FRMD5: variants seen among roughly 807,000 people sequenced by gnomAD.
FRMD5 encodes FERM domain-containing protein 5.
Under a neutral mutation model 69.0 loss-of-function variants are expected in FRMD5, and 20 were observed. The ratio of observed to expected loss-of-function variants is 0.29; its 90% CI spans 0.20 to 0.42. FRMD5 has a LOEUF of 0.42. Ranked by LOEUF, FRMD5 falls within the 10% of genes least tolerant of loss-of-function variation. The pLI is 1.00. For missense variants in FRMD5, 595 were observed against 708.6 expected, an observed-to-expected ratio of 0.84 and a Z score of 1.82; for synonymous variants, 271 against 260.1, an observed-to-expected ratio of 1.04 and a Z score of -0.40.
At chr15:44,136,562 A>G (rs1200162246) in intron 1 of FRMD5, among the ~76,000 whole-genome samples, 1 of 152,202 alleles carries the variant, frequency 6.6e-6, no homozygotes, top group African/African-American at 2.4e-5. Context: ...TCTACTTTTG[A>G]TCATATTAAT....
intron 1 of FRMD5, among the ~76,000 whole-genome samples, chr15:44,097,198 G>T (rs1226083711): frequency 1.3e-5 from 2 of 152,202 alleles, no homozygotes; most frequent in African/African-American, 4.8e-5. Flanking sequence ...CTGAAATAAA[G>T]AATACATCTG....
At chr15:43,961,839 T>C (rs557143031) in intron 1 of FRMD5, among the ~76,000 whole-genome samples, 6 of 152,262 alleles carry the variant, frequency 3.9e-5, no homozygotes, top group Admixed American at 3.9e-4. Flanking sequence ...AAAAGGCCTT[T>C]GACAAAATTC....
At chr15:44,078,460 C>G (rs2140437937) in intron 1 of FRMD5, among the ~76,000 whole-genome samples, 1 of 152,034 alleles carries the variant, frequency 6.6e-6, no homozygotes, top group East Asian at 1.9e-4. Flanking sequence ...CTCAAGAATC[C>G]CAGAGTCAAA....
intron 1 of FRMD5, among the ~76,000 whole-genome samples, chr15:44,049,481 G>C (rs1429972817): frequency 6.6e-6 from 1 of 152,028 alleles, no homozygotes; most frequent in Non-Finnish European, 1.5e-5. Context: ...ACTATAAAAA[G>C]CCTTTGCAAA....
intron 1 of FRMD5, among the ~76,000 whole-genome samples, chr15:44,043,549 A>T (rs1465625666): frequency 2.0e-5 from 3 of 152,208 alleles, no homozygotes; most frequent in Non-Finnish European, 2.9e-5. Context: ...AGTAACAAAA[A>T]CAGCATGGTA....
chr15:44,053,344 G>A (rs1892744602), intron 1 of FRMD5, among the ~76,000 whole-genome samples: 1 of 152,150 alleles, frequency 6.6e-6, no homozygotes, highest in Admixed American at 6.5e-5. Context: ...AAGTTCATTA[G>A]AGTTTTAAGG....
At position 43,919,592 on chromosome 15, in the gene FRMD5, G is replaced by T. The variant is rs995921742; in HGVS notation, c.251-55C>A. The stretch of plus-strand genomic sequence containing the variant: ...AAGACTCTCACCCAGAAGAGGACAG[G>T]GCTCTTCTGCCCACTAGCATGAAGC... On this transcript the variant is annotated intron_variant, in intron 3 of 13. Transcript: ENST00000417257. The T allele has an allele frequency of 3.2e-6, 5 of 1,538,558 alleles. No individual in the cohort carries two copies. The African/African-American group carries it at 6.8e-5, about 21-fold the overall frequency.
intron 13 of FRMD5, among the ~76,000 whole-genome samples, chr15:43,877,489 A>G (rs1379912975): frequency 6.6e-6 from 1 of 152,166 alleles, no homozygotes; most frequent in Non-Finnish European, 1.5e-5. Context: ...AGCCTTGTGG[A>G]GCCTGTCTTG....
intron 1 of FRMD5, chr15:44,194,749 G>A: frequency 1.5e-6 from 1 of 663,342 alleles, no homozygotes; most frequent in Non-Finnish European, 2.7e-6. Context: ...GCCCCGCGGC[G>A]GCGGTGACAC....
At chr15:43,936,407 T>A (rs1315419988) in intron 1 of FRMD5, among the ~76,000 whole-genome samples, 2 of 152,122 alleles carry the variant, frequency 1.3e-5, no homozygotes, top group Non-Finnish European at 2.9e-5. Context: ...CCCAGGCTGG[T>A]CTTGAACTCC....
At chr15:43,905,732 T>C (rs1595502950) in intron 6 of FRMD5, 96 bp downstream of exon 6, 1 of 1,485,426 alleles carries the variant, frequency 6.7e-7, no homozygotes, top group South Asian at 1.2e-5. Flanking sequence ...TCTGTGTCAG[T>C]AAACAGTCTG....
intron 1 of FRMD5, among the ~76,000 whole-genome samples, chr15:44,191,210 A>AT (rs1406842115): frequency 6.6e-6 from 1 of 152,174 alleles, no homozygotes; most frequent in Non-Finnish European, 1.5e-5. Flanking sequence ...GAAAATAGGT[A>AT]TTTTTTCAAC....
rs138527288 is a variant in FRMD5 at position 44,007,779 on chromosome 15, G to T, written c.103-83470C>A. 7.4e-3 allele frequency among the ~76,000 whole-genome samples: 1,112 copies of T among 151,232 alleles called. 21 individuals are homozygous for T. The highest frequency in any genetic ancestry group is 0.026 in the African/African-American group (1,062 of 41,264). ...TCCTGCCTCAGCCTCCCAAGTAGCT[G>T]GGATTATAGGCATGTGCCACCACCC... On this transcript the variant is annotated intron_variant, in intron 1 of 13. Transcript: ENST00000417257.
chr15:44,028,781 G>A (rs971361132), intron 1 of FRMD5, among the ~76,000 whole-genome samples: 2 of 152,136 alleles, frequency 1.3e-5, no homozygotes, highest in African/African-American at 2.4e-5. Flanking sequence ...AAGTGGATGA[G>A]GGACCTTGCC....
intron 1 of FRMD5, among the ~76,000 whole-genome samples, chr15:43,953,882 G>A (rs2090075159): frequency 6.6e-6 from 1 of 152,190 alleles, no homozygotes; most frequent in African/African-American, 2.4e-5. Context: ...GAGACCAGTA[G>A]GATGGGTATT....
At position 43,940,822 on chromosome 15, in the gene FRMD5, G is replaced by A. The variant is rs186543535; in HGVS notation, c.103-16513C>T. ...ATGGAGGATAATTAGCAAGGAGGCT[G>A]GGAGAACAGGTTGAAAAGCTATCTT... On this transcript the variant is annotated intron_variant, in intron 1 of 13. Transcript: ENST00000417257. 1.6e-3 allele frequency among the ~76,000 whole-genome samples: 250 copies of A among 152,292 alleles called. 2 individuals are homozygous for A. The highest frequency in any genetic ancestry group is 5.8e-3 in the African/African-American group (241 of 41,562).
At chr15:44,192,851 C>G (rs548810871) in intron 1 of FRMD5, among the ~76,000 whole-genome samples, 1 of 152,250 alleles carries the variant, frequency 6.6e-6, no homozygotes, top group East Asian at 1.9e-4. Context: ...ATTAACATGT[C>G]TAGACAGTGG....
intron 13 of FRMD5, chr15:43,875,821 T>TC: frequency 2.6e-6 from 1 of 381,338 alleles, no homozygotes; most frequent in Non-Finnish European, 4.8e-6. Flanking sequence ...TTTTTTTTTT[T>TC]TTTTTTCTTT....
chr15:44,086,992 T>C (rs1317646997), intron 1 of FRMD5, among the ~76,000 whole-genome samples: 1 of 152,190 alleles, frequency 6.6e-6, no homozygotes, highest in African/African-American at 2.4e-5. Context: ...AATGGCTTTA[T>C]CTGTTAGAAA....
Sources: allele counts gnomAD v4.1 joint callset (sites outside exome capture counted in the v4.1 genomes callset), GRCh38; gene constraint gnomAD v4.1.1; transcripts MANE v1.5; gene names NCBI Gene and HGNC (gene_info 2026-07-23, HGNC 2026-07-21).